Variants in STRADB observed in about 807,000 individuals in gnomAD.
STRADB encodes the protein STE20-related kinase adapter protein beta.
Under a neutral mutation model 52.1 loss-of-function variants are expected in STRADB, and 34 were observed. That is an observed-to-expected ratio of 0.65 (90% CI 0.50 to 0.87). STRADB has a LOEUF of 0.87. Ranked by LOEUF, STRADB falls within the 40% of genes least tolerant of loss-of-function variation. STRADB has a pLI of 0.00. For synonymous variants in STRADB, 133 were observed against 174.5 expected (o/e 0.76, Z 1.87); for missense variants, 340 against 483.9 (o/e 0.70, Z 2.79).
At chr2:201,474,073 G>A (rs1363412472) in intron 5 of STRADB, among the ~76,000 whole-genome samples, 1 of 151,938 alleles carries the variant, frequency 6.6e-6, no homozygotes, top group Non-Finnish European at 1.5e-5. Flanking sequence ...TGTATTTTTA[G>A]TAGAGACGGG....
At chr2:201,476,979 C>T (rs1287241159) in intron 7 of STRADB, among the ~76,000 whole-genome samples, 2 of 11,058 alleles carry the variant, frequency 1.8e-4, no homozygotes, top group East Asian at 3.4e-3. Context: ...GAGATTCTGT[C>T]TCAAAAAAAA....
intron 2 of STRADB, among the ~76,000 whole-genome samples, chr2:201,455,715 A>AT (rs1267329852): frequency 6.6e-6 from 1 of 152,094 alleles, no homozygotes; most frequent in Non-Finnish European, 1.5e-5. Context: ...AAAAAAAAAA[A>AT]GGATGAGTAT....
intron 1 of STRADB, among the ~76,000 whole-genome samples, chr2:201,452,496 G>C (rs1222879874): frequency 6.6e-6 from 1 of 152,196 alleles, no homozygotes; most frequent in East Asian, 1.9e-4. Context: ...CCCAAAACTT[G>C]ATACGGATGT....
At chr2:201,477,442 T>C (rs780424203) in intron 7 of STRADB, among the ~76,000 whole-genome samples, 177 bp from the exon 8 acceptor site, 7 of 152,166 alleles carry the variant, frequency 4.6e-5, no homozygotes, top group Non-Finnish European at 8.8e-5. Flanking sequence ...GAATTCCTAT[T>C]CCCTGAACAT....
chr2:201,479,575 A>G (rs2125685052), intron 11 of STRADB, 44 bp downstream of exon 11: 1 of 1,556,660 alleles, frequency 6.4e-7, no homozygotes, highest in South Asian at 1.2e-5. Flanking sequence ...TTTAATTACT[A>G]TTAAAAAGTC....
Position 201,454,835 on chromosome 2 carries a change from G to T in STRADB, c.-6G>T. ...TGTCACTTTCTGTGTGAACTAAAGTGATTCAATGTCTCTTTTGGTAAGTTT... is the reference window on the plus strand; with the variant it reads ...TGTCACTTTCTGTGTGAACTAAAGTTATTCAATGTCTCTTTTGGTAAGTTT... On this transcript the variant is annotated 5_prime_UTR_variant, in exon 2 of 12. The change abolishes the stop of an existing upstream ORF in the 5' untranslated region. Coordinates refer to ENST00000194530, the MANE Select transcript of STRADB (RefSeq NM_018571.6). The T allele has an allele frequency of 6.2e-7, 1 of 1,607,272 alleles. No individual in the cohort carries two copies. Among genetic ancestry groups the T allele is most frequent in the South Asian group, 1.1e-5 (1 of 89,754 alleles).
intron 8 of STRADB, 103 bp downstream of exon 8, chr2:201,477,893 T>C: frequency 1.5e-6 from 2 of 1,378,452 alleles, no homozygotes; most frequent in Non-Finnish European, 1.0e-6. Context: ...AATGGCCTTC[T>C]GCAAGACTTT....
Position 201,457,121 on chromosome 2 carries a change from C to T in STRADB, c.13-1663C>T, listed in dbSNP as rs916554764. 4.6e-5 allele frequency among the ~76,000 whole-genome samples: 7 copies of T among 152,270 alleles called. No individual in the cohort carries two copies. The East Asian group carries it at 9.6e-4, about 21-fold the overall frequency. ...TTATGAAGGGAACCTCTGCAAAATC[C>T]CAGTTCCCAGATACTAGCCAAGGGT... is the stretch of plus-strand genomic sequence containing the variant. On this transcript the variant is annotated intron_variant, in intron 2 of 11. Transcript: ENST00000194530.
intron 10 of STRADB, chr2:201,479,265 C>T: frequency 2.1e-6 from 1 of 486,276 alleles, no homozygotes; most frequent in Non-Finnish European, 3.6e-6. Flanking sequence ...TCAGTAAATA[C>T]TGTGTGCAGT....
chr2:201,479,421 A>AT, intron 10 of STRADB, 68 bp from the exon 11 acceptor site: 1 of 1,444,810 alleles, frequency 6.9e-7, no homozygotes, highest in Non-Finnish European at 9.5e-7. Context: ...TTTCTAACAT[A>AT]TTTTTACACC....
Position 201,466,489 on chromosome 2 carries a change from C to T in STRADB, c.94-3464C>T, listed in dbSNP as rs147985947. Among the ~76,000 whole-genome samples the T allele has an allele frequency of 1.2e-4, 18 of 152,336 alleles. No individual in the cohort carries two copies. In the East Asian group the frequency reaches 3.5e-3, roughly 29 times the overall value. On this transcript the variant is annotated intron_variant, in intron 3 of 11. Transcript: ENST00000194530. Reference sequence around the variant, plus strand: ...AACTGGTGCCTGATGACTAGAAAAACTTCCTTGTGCGCTCTCTGAGTCATG... The same window carrying T: ...AACTGGTGCCTGATGACTAGAAAAATTTCCTTGTGCGCTCTCTGAGTCATG...
At chr2:201,464,399 T>C (rs73988792) in intron 3 of STRADB, among the ~76,000 whole-genome samples, 8,557 of 152,216 alleles carry the variant, frequency 0.056, 291 homozygotes, top group African/African-American at 0.074. Context: ...TTACCTGGAT[T>C]ACTAGGCAGG....
At chr2:201,463,367 T>C (rs958336607) in intron 3 of STRADB, among the ~76,000 whole-genome samples, 1 of 152,022 alleles carries the variant, frequency 6.6e-6, no homozygotes, top group South Asian at 2.1e-4. Context: ...TTCAGCACTT[T>C]AAATATGTTG....
intron 8 of STRADB, 106 bp downstream of exon 8, chr2:201,477,896 A>AG (rs1952504429): frequency 7.3e-6 from 10 of 1,371,946 alleles, no homozygotes; most frequent in Non-Finnish European, 1.0e-5. Context: ...GGCCTTCTGC[A>AG]AGACTTTATT....
chr2:201,480,789 A>G lies in STRADB; in HGVS notation c.*614A>G, dbSNP rs966430693. The G allele has an allele frequency of 2.3e-5, 23 of 985,650 alleles. No homozygotes were observed. Among genetic ancestry groups the G allele is most frequent in the Non-Finnish European group, 2.7e-5 (22 of 829,912 alleles). The allele number at this position is 985,650 out of a possible 1,614,324, so 61.1% of individuals were successfully genotyped here. A position where few individuals can be genotyped will look rare whatever the true frequency, so the allele number is the denominator to read the frequency against. Reference sequence around the variant, plus strand: ...AAGTAACACTTTCCTACTTATGTAAATTATAGATCCTAAATTCACGCACCC... The same window carrying G: ...AAGTAACACTTTCCTACTTATGTAAGTTATAGATCCTAAATTCACGCACCC... On this transcript the variant is annotated 3_prime_UTR_variant, in exon 12 of 12. Transcript: ENST00000194530.
At chr2:201,473,153 T>A in intron 5 of STRADB, 77 bp downstream of exon 5, 5 of 1,289,436 alleles carry the variant, frequency 3.9e-6, no homozygotes, top group Non-Finnish European at 5.2e-6. Context: ...CAACCAATTG[T>A]GAATAGAAAA....
intron 3 of STRADB, among the ~76,000 whole-genome samples, chr2:201,465,706 A>G (rs766048592): frequency 6.6e-6 from 1 of 152,138 alleles, no homozygotes; most frequent in Admixed American, 6.5e-5. Context: ...GGCCTAGACT[A>G]CCTTTCAAGT....
Position 201,474,406 on chromosome 2 carries a change from TATTA to T in STRADB, c.316-237_316-234del, listed in dbSNP as rs1233587130. ...TTCACATTCTACTTCCACTTCTTTT[TATTA>T]ATTGCATGCTTTTGGACAGGTTTTC... On this transcript the variant is annotated intron_variant, in intron 5 of 11. Coordinates refer to ENST00000194530, the MANE Select transcript of STRADB (RefSeq NM_018571.6). 2.0e-5 allele frequency among the ~76,000 whole-genome samples: 3 copies of T among 152,214 alleles called. No homozygotes were observed. In the East Asian group the frequency reaches 5.8e-4, roughly 29 times the overall value.
At position 201,480,369 on chromosome 2, in the gene STRADB, C is replaced by A. The variant is rs1401262858; in HGVS notation, c.*194C>A. The A allele has an allele frequency of 7.3e-6, 10 of 1,370,284 alleles. No individual in the cohort carries two copies. Among genetic ancestry groups the A allele is most frequent in the Non-Finnish European group, 9.4e-6 (10 of 1,065,058 alleles). 84.9% of individuals were successfully genotyped at this position (1,370,284 alleles called of 1,614,324 possible). A position where few individuals can be genotyped will look rare whatever the true frequency, so the allele number is the denominator to read the frequency against. On this transcript the variant is annotated 3_prime_UTR_variant, in exon 12 of 12. Transcript: ENST00000194530. ...CTCTGTTTCGCACAGAGTACTATGA[C>A]AAGGAAACATCAGAATTACTAATCT...
Sources: gnomAD v4.1 joint callset for allele counts (sites outside exome capture counted in the v4.1 genomes callset) on GRCh38, gnomAD v4.1.1 for gene constraint, MANE v1.5 for transcripts, NCBI Gene and HGNC (gene_info 2026-07-23, HGNC 2026-07-21) for gene names.